Variants in ACTR5 observed in about 807,000 individuals in gnomAD.
ACTR5 encodes the protein actin related protein 5, also known as actin-related protein 5.
ACTR5 carries 43 observed loss-of-function variants against 61.2 expected under a neutral mutation model. That is an observed-to-expected ratio of 0.70 (90% CI 0.55 to 0.91). The LOEUF (loss-of-function observed/expected upper bound fraction) is 0.91, where lower values mean the gene tolerates loss of function less well. ACTR5 is among the 40% of genes least tolerant of loss of function. The pLI, the probability that ACTR5 is intolerant of heterozygous loss-of-function variation, is 0.00. For synonymous variants in ACTR5, 333 were observed against 310.5 expected, an observed-to-expected ratio of 1.07 and a Z score of -0.76; for missense variants, 798 against 782.2, an observed-to-expected ratio of 1.02 and a Z score of -0.24.
chr20:38,755,381 T>C (rs2084414000), intron 4 of ACTR5, among the ~76,000 whole-genome samples: 1 of 152,230 alleles, frequency 6.6e-6, no homozygotes, highest in Admixed American at 6.5e-5. Flanking sequence ...ATTATTTATT[T>C]TCACCTTATA....
In ACTR5 at chr20:38,752,265, A is replaced by C. The variant is rs778728894; in HGVS notation, c.740A>C (p.His247Pro). The C allele has an allele frequency of 1.2e-6, 2 of 1,613,746 alleles. No homozygotes were observed. The highest frequency in any genetic ancestry group is 1.7e-6 in the Non-Finnish European group (2 of 1,179,648). ...ITLSRMEEIL[H>P]EHSYIAEDYV... ...CTCAGCCGCATGGAGGAGATTCTGCATGAGCACAGCTACATCGCTGAGGAT... is the reference window on the plus strand; with the variant it reads ...CTCAGCCGCATGGAGGAGATTCTGCCTGAGCACAGCTACATCGCTGAGGAT... Residue 247 changes from histidine to proline, a missense_variant, in exon 3 of 9, where the codon CAT (histidine) becomes CCT (proline). Transcript: ENST00000243903.
At chr20:38,752,990 T>G (rs1242966348) in intron 3 of ACTR5, among the ~76,000 whole-genome samples, 1 of 152,176 alleles carries the variant, frequency 6.6e-6, no homozygotes, top group Non-Finnish European at 1.5e-5. Context: ...ATACGTTTCA[T>G]GTGTGAAGAG....
Position 38,752,152 on chromosome 20 carries a change from G to C in ACTR5, c.627G>C (p.Lys209Asn), listed in dbSNP as rs1419788947. 1 of 1,613,528 alleles carries C rather than the reference G, an allele frequency of 6.2e-7. No homozygotes were observed. Among genetic ancestry groups the C allele is most frequent in the Non-Finnish European group, 8.5e-7 (1 of 1,179,686 alleles). Residue 209 changes from lysine to asparagine, a missense_variant, in exon 3 of 9, where the codon AAG becomes AAC. Physicochemically the swap from Lys to Asn is moderately conservative, Grantham distance 94. Coordinates refer to ENST00000243903, the MANE Select transcript of ACTR5 (RefSeq NM_024855.4). ...ATAGATTAGATGCTAAAAACTGCAA[G>C]CGCATCAATCTTGGAGGAAGCCAAG... ...LEGRLDAKNC[K>N]RINLGGSQAA...
intron 5 of ACTR5, among the ~76,000 whole-genome samples, chr20:38,760,688 G>C (rs1245450747): frequency 6.6e-6 from 1 of 152,172 alleles, no homozygotes; most frequent in East Asian, 1.9e-4. Context: ...TTTGGAGTGA[G>C]GTCACATAGC....
Position 38,756,005 on chromosome 20 carries a change from A to G in ACTR5, c.1142A>G (p.Asn381Ser), listed in dbSNP as rs199728746. Residue 381 changes from asparagine (N) to serine (S), a missense_variant, in exon 5 of 9, where the codon AAC becomes AGC. Physicochemically the swap from Asn to Ser is conservative, Grantham distance 46. Transcript: ENST00000243903. ...AKQKILQAEV[N>S]LEVDVVDSKP... ...CAGAAAATCCTCCAAGCGGAAGTCA[A>G]CCTCGAGGTGGATGTGGTAGACAGC... The G allele has an allele frequency of 2.7e-5, 44 of 1,613,584 alleles. 1 individual carries two copies. The African/African-American group carries it at 3.2e-4, about 12-fold the overall frequency.
intron 3 of ACTR5, among the ~76,000 whole-genome samples, chr20:38,753,468 T>C (rs2084399099): frequency 6.6e-6 from 1 of 152,072 alleles, no homozygotes; most frequent in Non-Finnish European, 1.5e-5. Context: ...TACTATTTGA[T>C]TCCATTTATG....
intron 3 of ACTR5, 84 bp downstream of exon 3, chr20:38,752,384 TGCTCAC>T: frequency 6.9e-7 from 1 of 1,444,240 alleles, no homozygotes. Context: ...ATTCTTTGCT[TGCTCAC>T]TTTTTAAGCA....
intron 1 of ACTR5, among the ~76,000 whole-genome samples, chr20:38,749,113 C>A (rs1333351664): frequency 1.3e-5 from 2 of 152,206 alleles, no homozygotes; most frequent in African/African-American, 2.4e-5. Flanking sequence ...TACTCTGTGT[C>A]AGGCACTTTT....
At chr20:38,770,936 T>G (rs1227560763) in intron 8 of ACTR5, among the ~76,000 whole-genome samples, 3 of 152,052 alleles carry the variant, frequency 2.0e-5, no homozygotes, top group Non-Finnish European at 2.9e-5. Flanking sequence ...AGGTAGGAAG[T>G]GAGGCGGGTA....
chr20:38,767,339 T>A, intron 7 of ACTR5, 125 bp from the exon 8 acceptor site: 1 of 920,000 alleles, frequency 1.1e-6, no homozygotes, highest in South Asian at 3.3e-5. Context: ...AGTTTTGATT[T>A]TTTTTTTTTT....
chr20:38,752,107 C>T lies in ACTR5; in HGVS notation c.606-24C>T. 1.9e-6 allele frequency: 3 copies of T among 1,599,750 alleles called. No individual in the cohort carries two copies. In the South Asian group the frequency reaches 3.3e-5, roughly 18 times the overall value. ...TTTCTGTCCTCCAGAAATTTCAGTG[C>T]TGTTTTCTACTGCTTGGTTATAGAT... is the stretch of plus-strand genomic sequence containing the variant. On this transcript the variant is annotated intron_variant, in intron 2 of 8. Coordinates refer to ENST00000243903, the MANE Select transcript of ACTR5 (RefSeq NM_024855.4).
chr20:38,752,411 C>T, intron 3 of ACTR5, 111 bp downstream of exon 3: 2 of 1,205,452 alleles, frequency 1.7e-6, no homozygotes, highest in Non-Finnish European at 2.2e-6. Context: ...CCTCCTTCCC[C>T]TTTTTGTATT....
In ACTR5 at chr20:38,748,773, G is replaced by A. The variant is rs1464868128; in HGVS notation, c.295G>A (p.Asp99Asn). ...PLRWMLRSPF[D>N]RNVPVNLELQ... ...GCGCTGGATGCTGCGCTCGCCCTTC[G>A]ACCGCAACGTGCCGGTCAACCTGGA... Residue 99 changes from aspartate (D) to asparagine (N), a missense_variant, in exon 1 of 9, where the codon GAC (aspartate) becomes AAC (asparagine). Physicochemically the swap from Asp to Asn is conservative, Grantham distance 23 (BLOSUM62 1). Coordinates refer to ENST00000243903, the MANE Select transcript of ACTR5 (RefSeq NM_024855.4). The A allele has an allele frequency of 3.1e-6, 5 of 1,607,052 alleles. No individual in the cohort carries two copies. The highest frequency in any genetic ancestry group is 4.2e-6 in the Non-Finnish European group (5 of 1,178,228).
intron 5 of ACTR5, among the ~76,000 whole-genome samples, chr20:38,761,144 A>T (rs936050250): frequency 1.3e-5 from 2 of 151,264 alleles, no homozygotes; most frequent in African/African-American, 4.9e-5. Flanking sequence ...CTGTTCTCGA[A>T]CTCCTGGCCT....
chr20:38,767,327 A>G (rs2084492612), intron 7 of ACTR5, 137 bp from the exon 8 acceptor site: 2 of 822,572 alleles, frequency 2.4e-6, no homozygotes. Flanking sequence ...ATGAAAAATG[A>G]AAGTTTTGAT....
intron 5 of ACTR5, among the ~76,000 whole-genome samples, chr20:38,758,452 G>C (rs567567445): frequency 6.6e-6 from 1 of 152,166 alleles, no homozygotes; most frequent in South Asian, 2.1e-4. Flanking sequence ...TTCGAGACCA[G>C]CCTGACCAAC....
At chr20:38,752,077 C>G (rs2084390470) in intron 2 of ACTR5, 54 bp from the exon 3 acceptor site, 1 of 1,568,034 alleles carries the variant, frequency 6.4e-7, no homozygotes, top group Non-Finnish European at 8.7e-7. Context: ...CCAAGATGCT[C>G]CATATTTCTG....
At chr20:38,769,576 G>A (rs2084508173) in intron 8 of ACTR5, among the ~76,000 whole-genome samples, 1 of 152,160 alleles carries the variant, frequency 6.6e-6, no homozygotes, top group Admixed American at 6.5e-5. Flanking sequence ...CAGGCTTAAG[G>A]GAGAGGATAG....
In ACTR5 at chr20:38,750,249, A is replaced by T; in HGVS notation, c.605+10A>T. On this transcript the variant is annotated intron_variant, in intron 2 of 8. Transcript: ENST00000243903. ...CCATCTTAGAAGGGAGGTGAGTTGCACTTGTGGCATTTGAGTGCGATTTTG... is the reference window on the plus strand; with the variant it reads ...CCATCTTAGAAGGGAGGTGAGTTGCTCTTGTGGCATTTGAGTGCGATTTTG... The T allele has an allele frequency of 6.2e-7, 1 of 1,608,404 alleles. No homozygotes were observed. The highest frequency in any genetic ancestry group is 1.1e-5 in the South Asian group (1 of 90,360).
Sources: allele counts gnomAD v4.1 joint callset (sites outside exome capture counted in the v4.1 genomes callset), GRCh38; gene constraint gnomAD v4.1.1; transcripts MANE v1.5; gene names NCBI Gene and HGNC (gene_info 2026-07-23, HGNC 2026-07-21).